The following AMZ1 variants were observed in gnomAD, a reference collection of about 807,000 sequenced individuals.
AMZ1 encodes the protein archaelysin family metallopeptidase 1, also known as archaemetzincin-1.
In AMZ1, 39 loss-of-function variants were observed where a neutral mutation model predicts 29.9. The observed-to-expected ratio is 1.30, with a 90% CI of 1.01 to 1.70. The LOEUF (loss-of-function observed/expected upper bound fraction) is 1.70. AMZ1 is among the 40% of genes most tolerant of loss of function. The pLI is 0.00. For synonymous variants in AMZ1, 458 were observed against 304.0 expected (o/e 1.51, Z -5.27); for missense variants, 1,041 against 680.6 (o/e 1.53, Z -5.89).
chr7:2,737,803 T>C (rs531787072), intron 4 of AMZ1, among the ~76,000 whole-genome samples: 2 of 152,334 alleles, frequency 1.3e-5, no homozygotes, highest in East Asian at 3.9e-4. Flanking sequence ...GGTTTTCAAT[T>C]TCATTACTTA....
At chr7:2,695,681 A>T (rs899725653) in intron 1 of AMZ1, among the ~76,000 whole-genome samples, 4 of 151,952 alleles carry the variant, frequency 2.6e-5, no homozygotes, top group Non-Finnish European at 5.9e-5. Flanking sequence ...ACAGCACTCC[A>T]GCCTGGGCAA....
upstream of AMZ1, among the ~76,000 whole-genome samples, chr7:2,685,736 C>T (rs1787053989): frequency 6.8e-6 from 1 of 147,964 alleles, no homozygotes; most frequent in African/African-American, 2.5e-5. Context: ...GCCTGTAGTC[C>T]CAGCTACTTA....
chr7:2,710,083 C>T (rs1285696902), intron 6 of AMZ1, among the ~76,000 whole-genome samples: 2 of 152,198 alleles, frequency 1.3e-5, no homozygotes, highest in Non-Finnish European at 2.9e-5. Context: ...GGCTTTTCTC[C>T]CTCTGTCAGG....
At chr7:2,732,223 A>G (rs1789933015) in intron 4 of AMZ1, among the ~76,000 whole-genome samples, 1 of 152,196 alleles carries the variant, frequency 6.6e-6, no homozygotes, top group East Asian at 1.9e-4. Flanking sequence ...CACACAGGCA[A>G]GCATACTCTT....
At position 2,712,504 on chromosome 7, in the gene AMZ1, C is replaced by T; in HGVS notation, c.1123C>T (p.His375Tyr). Reference protein sequence around the residue: ...SEPLTPDAGSHTFASGPEEGL... With the variant: ...SEPLTPDAGSYTFASGPEEGL... Reference sequence around the variant, plus strand: ...GCCCCTCACCCCTGATGCCGGGAGTCACACCTTCGCCTCGGGGCCAGAGGA... The same window carrying T: ...GCCCCTCACCCCTGATGCCGGGAGTTACACCTTCGCCTCGGGGCCAGAGGA... The change falls in exon 7 of 7, where the codon CAC becomes TAC. Residue 375 changes from histidine (H) to tyrosine (Y), a missense_variant. His to Tyr is a moderately conservative substitution (Grantham distance 83, BLOSUM62 2). Transcript: ENST00000683327. 2 of 1,608,656 alleles carry T rather than the reference C, an allele frequency of 1.2e-6. No individual in the cohort carries two copies. Among genetic ancestry groups the T allele is most frequent in the African/African-American group, 2.7e-5 (2 of 75,004 alleles).
In AMZ1 at chr7:2,690,020, C is replaced by T. The variant is rs565285198; in HGVS notation, c.-219+1724C>T. On this transcript the variant is annotated intron_variant, in intron 1 of 6. Transcript: ENST00000683327. ...GACCGGGGTTTTCCTGAATGACCCA[C>T]GAAGACGAATGTGGCCACAAGGCTT... Among the ~76,000 whole-genome samples, 15 of 152,230 alleles carry T rather than the reference C, an allele frequency of 9.9e-5. 1 individual carries two copies. Among genetic ancestry groups the T allele is most frequent in the East Asian group, 3.9e-4 (2 of 5,174 alleles).
At chr7:2,707,488 C>G (rs976664220) in intron 3 of AMZ1, among the ~76,000 whole-genome samples, 1 of 152,024 alleles carries the variant, frequency 6.6e-6, no homozygotes, top group African/African-American at 2.4e-5. Flanking sequence ...GGTTTCCCGG[C>G]TTTGATGCCA....
At chr7:2,710,053 C>T (rs1020045054) in intron 6 of AMZ1, among the ~76,000 whole-genome samples, 3 of 152,220 alleles carry the variant, frequency 2.0e-5, no homozygotes, top group Non-Finnish European at 2.9e-5. Flanking sequence ...GAGGTTGCAG[C>T]GGGGTCGAGT....
chr7:2,762,699 G>A (rs1791620196), upstream of AMZ1: 1 of 1,573,396 alleles, frequency 6.4e-7, no homozygotes. Context: ...CTGCCCGGGT[G>A]GAGGAGCGCC....
intron 3 of AMZ1, among the ~76,000 whole-genome samples, chr7:2,703,166 A>C (rs1309853488): frequency 6.6e-6 from 1 of 152,024 alleles, no homozygotes; most frequent in Non-Finnish European, 1.5e-5. Flanking sequence ...TATTTTTTTG[A>C]GACGGAGTCT....
chr7:2,708,471 A>C (rs1788503801), intron 3 of AMZ1, 117 bp from the exon 4 acceptor site: 1 of 1,487,092 alleles, frequency 6.7e-7, no homozygotes, highest in Non-Finnish European at 9.0e-7. Context: ...CCCACACCTG[A>C]CTTGGGAAGG....
intron 1 of AMZ1, among the ~76,000 whole-genome samples, chr7:2,696,450 G>T (rs1420927165): frequency 6.6e-6 from 1 of 150,382 alleles, no homozygotes; most frequent in Non-Finnish European, 1.5e-5. Context: ...GTAGAGACGG[G>T]GTTTCACCAT....
In AMZ1 at chr7:2,715,901, A is replaced by G. The variant is rs918416525; in HGVS notation, c.*3023A>G. ...TTAGAGATGATGGTTTCCAAGACAC[A>G]CAGGGCCACGGTTCTTTCAGTTTTT... is the stretch of plus-strand genomic sequence containing the variant. On this transcript the variant is annotated 3_prime_UTR_variant, in exon 7 of 7. Transcript: ENST00000683327. The G allele has an allele frequency of 1.4e-5, 2 of 141,720 alleles. No individual in the cohort carries two copies. Among genetic ancestry groups the G allele is most frequent in the Non-Finnish European group, 3.1e-5 (2 of 65,312 alleles). The allele number at this position is 141,720 out of a possible 1,614,324, so 8.8% of individuals were successfully genotyped here. A position where few individuals can be genotyped will look rare whatever the true frequency, so the allele number is the denominator to read the frequency against.
downstream of AMZ1, among the ~76,000 whole-genome samples, chr7:2,723,101 AATT>A (rs1019738624): frequency 3.7e-4 from 57 of 152,320 alleles, no homozygotes; most frequent in Admixed American, 1.4e-3. Context: ...GTGGTGTAGA[AATT>A]ATATGTGACT....
chr7:2,705,257 C>A (rs58561671), intron 3 of AMZ1, among the ~76,000 whole-genome samples: 1 of 152,122 alleles, frequency 6.6e-6, no homozygotes, highest in Non-Finnish European at 1.5e-5. Flanking sequence ...CCCAGGGCTC[C>A]GCATCCCTCC....
Position 2,708,589 on chromosome 7 carries a change from C to A in AMZ1, c.474C>A (p.Asp158Glu). Residue 158 changes from aspartate (D) to glutamate (E), a missense_variant and splice_region_variant, in exon 4 of 7, where the codon GAC becomes GAA. Transcript: ENST00000683327. ...RDSDRLQLHT[D>E]GILSFLKNNK... ...CATCCTCTGGCCCTCTCCCCGCAGA[C>A]GGCATCCTGTCCTTCTTGAAGAACA... 3 of 1,612,434 alleles carry A rather than the reference C, an allele frequency of 1.9e-6. No homozygotes were observed. Among genetic ancestry groups the A allele is most frequent in the African/African-American group, 1.3e-5 (1 of 75,042 alleles).
At chr7:2,762,957 G>A, upstream of AMZ1, 1 of 1,366,334 alleles carries the variant, frequency 7.3e-7, no homozygotes, top group Non-Finnish European at 9.4e-7. Flanking sequence ...GCCCGTGCCA[G>A]GGTCTCCTGC....
In AMZ1 at chr7:2,731,872, G is replaced by C; in HGVS notation, n.550+22056G>C. On this transcript the variant is annotated intron_variant and non_coding_transcript_variant, in intron 4 of 4. Transcript: ENST00000489665. This position sits in a 1 kb window ranked among gnomAD's most constrained non-coding sequence, Gnocchi z 6.0. Reference sequence around the variant, plus strand: ...CTGACTTTTGCAACAGGTTGAACCAGAAACCAAAAGCAAATTTCATTTATA... The same window carrying C: ...CTGACTTTTGCAACAGGTTGAACCACAAACCAAAAGCAAATTTCATTTATA... The C allele has an allele frequency of 3.7e-6, 2 of 534,862 alleles. No homozygotes were observed. Among genetic ancestry groups the C allele is most frequent in the Non-Finnish European group, 6.5e-6 (2 of 309,228 alleles). 33.1% of individuals were successfully genotyped at this position (534,862 alleles called of 1,614,324 possible).
chr7:2,701,117 G>A (rs1562365227), intron 2 of AMZ1, among the ~76,000 whole-genome samples: 2 of 152,188 alleles, frequency 1.3e-5, no homozygotes, highest in Admixed American at 6.5e-5. Flanking sequence ...TGTAATCCCA[G>A]CTATTCAGGA....
Sources: gnomAD v4.1 joint callset for allele counts (sites outside exome capture counted in the v4.1 genomes callset) on GRCh38, gnomAD v4.1.1 for gene constraint, Gnocchi (gnomAD v3.1) non-coding constraint, MANE v1.5 for transcripts, NCBI Gene and HGNC (gene_info 2026-07-23, HGNC 2026-07-21) for gene names.